The following UBXN7 variants were observed in gnomAD, a reference collection of about 807,000 sequenced individuals.
UBXN7 encodes UBX domain-containing protein 7.
A neutral mutation model predicts 58.0 loss-of-function variants in UBXN7; 9 were observed. The observed-to-expected ratio is 0.16, with a 90% CI of 0.09 to 0.27. UBXN7 has a LOEUF of 0.27. Among genes scored for constraint, UBXN7 ranks in the 10% least tolerant of loss-of-function variants. The probability of loss-of-function intolerance (pLI) is 1.00; values close to 1 mark genes in which losing one functional copy is unlikely to be tolerated. For missense variants in UBXN7, 328 were observed against 599.6 expected, an observed-to-expected ratio of 0.55 and a Z score of 4.73; for synonymous variants, 208 against 205.0, an observed-to-expected ratio of 1.01 and a Z score of -0.12.
chr3:196,375,030 GGAAGGAAGGA>G (rs1728969191), intron 5 of UBXN7, among the ~76,000 whole-genome samples: 1 of 145,036 alleles, frequency 6.9e-6, no homozygotes, highest in South Asian at 2.3e-4. Context: ...AAGGAAGGAA[GGAAGGAAGGA>G]AGGGAAAGGA....
At chr3:196,358,822 C>CT (rs76477098) in intron 10 of UBXN7, among the ~76,000 whole-genome samples, 4,348 of 139,094 alleles carry the variant, frequency 0.031, 167 homozygotes, top group African/African-American at 0.086. Flanking sequence ...ACACCTCTTT[C>CT]TTTTTTTTTT....
intron 1 of UBXN7, among the ~76,000 whole-genome samples, chr3:196,410,654 T>C (rs774868321): frequency 6.6e-6 from 1 of 152,050 alleles, no homozygotes; most frequent in Non-Finnish European, 1.5e-5. Flanking sequence ...AAACCCCATC[T>C]CTACTAAAAA....
intron 1 of UBXN7, among the ~76,000 whole-genome samples, chr3:196,431,025 G>GTCA (rs1160827574): frequency 6.6e-6 from 1 of 152,028 alleles, no homozygotes; most frequent in African/African-American, 2.4e-5. Context: ...ATAACAATGC[G>GTCA]TCAAATATCT....
In UBXN7 at chr3:196,362,360, C is replaced by T. The variant is rs1224759559; in HGVS notation, c.1162G>A (p.Asp388Asn). The T allele has an allele frequency of 6.2e-7, 1 of 1,613,972 alleles. No homozygotes were observed. Among genetic ancestry groups the T allele is most frequent in the Non-Finnish European group, 8.5e-7 (1 of 1,179,986 alleles). The change falls in exon 9 of 11, where the codon GAT becomes AAT. Residue 388 changes from aspartate to asparagine, a missense_variant. Asp to Asn is a conservative substitution (Grantham distance 23). Around this residue, in one of 4 missense-constraint regions of UBXN7, gnomAD observed 66 missense variants for 77.9 expected, o/e 0.85. Coordinates refer to ENST00000296328, the MANE Select transcript of UBXN7 (RefSeq NM_015562.2). ...GGTGGCATCTCCAGTATCTCTGAAT[C>T]CACAGCTGGCAATCCTTGGTGGTTT... ...ATNHQGLPAVDSEILEMPPEK... is the reference protein window; with the variant it reads ...ATNHQGLPAVNSEILEMPPEK...
intron 3 of UBXN7, chr3:196,397,380 C>T (rs1363009466): frequency 6.6e-6 from 1 of 152,230 alleles, no homozygotes; most frequent in Non-Finnish European, 1.5e-5. Context: ...ACATCTGGAT[C>T]TTCAGATCTG....
At position 196,359,636 on chromosome 3, in the gene UBXN7, G is replaced by A. The variant is rs141110082; in HGVS notation, c.1308+2208C>T. 8.2e-3 allele frequency among the ~76,000 whole-genome samples: 1,248 copies of A among 152,270 alleles called. 10 individuals carry two copies. The highest frequency in any genetic ancestry group is 0.014 in the Non-Finnish European group (944 of 68,022). The stretch of plus-strand genomic sequence containing the variant: ...AAATGATAACAAAGCAAAACAGGCC[G>A]GGAGCAGTGGCTCACACCTGCACTT... On this transcript the variant is annotated intron_variant, in intron 10 of 10. Coordinates refer to ENST00000296328, the MANE Select transcript of UBXN7 (RefSeq NM_015562.2).
At chr3:196,426,435 T>G (rs2108627544) in intron 1 of UBXN7, among the ~76,000 whole-genome samples, 1 of 150,612 alleles carries the variant, frequency 6.6e-6, no homozygotes, top group African/African-American at 2.4e-5. Flanking sequence ...ATTGAAACTA[T>G]TCTTAAAATT....
At chr3:196,404,543 T>C (rs1160102909) in intron 2 of UBXN7, among the ~76,000 whole-genome samples, 1 of 137,278 alleles carries the variant, frequency 7.3e-6, no homozygotes, top group East Asian at 1.9e-4. Flanking sequence ...ATTACAGGCG[T>C]GAGCCACCGC....
At position 196,362,395 on chromosome 3, in the gene UBXN7, C is replaced by G. The variant is rs780983094; in HGVS notation, c.1127G>C (p.Gly376Ala). 1 of 1,614,144 alleles carries G rather than the reference C, an allele frequency of 6.2e-7. No homozygotes were observed. Among genetic ancestry groups the G allele is most frequent in the Non-Finnish European group, 8.5e-7 (1 of 1,180,034 alleles). The change falls in exon 9 of 11, where the codon GGA becomes GCA. Residue 376 changes from glycine (G) to alanine (A), a missense_variant. Transcript: ENST00000296328. ...CAATCCTTGGTGGTTTGTGGCTGTT[C>G]CAGGATCAGTTCTGACTGGTGGCTC... is the stretch of plus-strand genomic sequence containing the variant. ...LTEPPVRTDPGTATNHQGLPA... is the reference protein window; with the variant it reads ...LTEPPVRTDPATATNHQGLPA...
intron 5 of UBXN7, among the ~76,000 whole-genome samples, chr3:196,391,543 C>T (rs1034809078): frequency 1.3e-5 from 2 of 151,898 alleles, no homozygotes; most frequent in Non-Finnish European, 2.9e-5. Context: ...CCAGCCTGGG[C>T]GACACAGTGA....
chr3:196,361,963 A>G, intron 9 of UBXN7, 40 bp from the exon 10 acceptor site: 1 of 1,513,132 alleles, frequency 6.6e-7, no homozygotes, highest in Admixed American at 1.8e-5. Context: ...AACGGGATAC[A>G]GGAGTTTAAG....
chr3:196,420,050 G>C (rs1730630989), intron 1 of UBXN7, among the ~76,000 whole-genome samples: 1 of 152,114 alleles, frequency 6.6e-6, no homozygotes, highest in South Asian at 2.1e-4. Context: ...GTTTAGTGAA[G>C]TTACACATTT....
chr3:196,426,569 C>T (rs1248884158), intron 1 of UBXN7, among the ~76,000 whole-genome samples: 1 of 151,996 alleles, frequency 6.6e-6, no homozygotes, highest in Non-Finnish European at 1.5e-5. Flanking sequence ...ATGAATGAGG[C>T]CAGGCGCGGT....
intron 3 of UBXN7, among the ~76,000 whole-genome samples, chr3:196,401,882 A>ATG (rs1264516794): frequency 7.6e-4 from 80 of 105,098 alleles, no homozygotes; most frequent in Admixed American, 2.5e-3. Context: ...ATTGGGTACT[A>ATG]CGCTCATTAC....
intron 1 of UBXN7, among the ~76,000 whole-genome samples, chr3:196,412,230 C>CAAAAAAAAAAAAAAAAA (rs55746914): frequency 5.6e-5 from 5 of 89,076 alleles, no homozygotes; most frequent in Non-Finnish European, 1.0e-4. Context: ...GACTTTGTCT[C>CAAAAAAAAAAAAAAAAA]AAAAAAAAAA....
At chr3:196,372,521 T>A (rs915587239) in intron 5 of UBXN7, among the ~76,000 whole-genome samples, 4 of 151,964 alleles carry the variant, frequency 2.6e-5, no homozygotes, top group African/African-American at 9.7e-5. Flanking sequence ...TTTGTATTTT[T>A]AGTAGAGATG....
At chr3:196,427,006 T>C (rs953338853) in intron 1 of UBXN7, among the ~76,000 whole-genome samples, 6 of 152,244 alleles carry the variant, frequency 3.9e-5, no homozygotes, top group Non-Finnish European at 7.3e-5. Flanking sequence ...AAGTATGTTA[T>C]TGCCGCTATG....
intron 1 of UBXN7, 22 bp from the exon 2 acceptor site, chr3:196,407,415 A>G (rs752437223): frequency 6.4e-7 from 1 of 1,555,276 alleles, no homozygotes; most frequent in Admixed American, 2.1e-5. Flanking sequence ...AAAAGACAGG[A>G]AAAACGTTAA....
chr3:196,367,056 G>A (rs1288602821), intron 8 of UBXN7, among the ~76,000 whole-genome samples: 5 of 151,884 alleles, frequency 3.3e-5, no homozygotes, highest in African/African-American at 9.7e-5. Flanking sequence ...AGTGGTGTAC[G>A]TCTGTAATCC....
Sources: allele counts gnomAD v4.1 joint callset (sites outside exome capture counted in the v4.1 genomes callset), GRCh38; gene constraint gnomAD v4.1.1; regional missense constraint gnomAD v4.1.1; transcripts MANE v1.5; gene names NCBI Gene and HGNC (gene_info 2026-07-23, HGNC 2026-07-21).